Variants in GASK1A observed in about 807,000 individuals in gnomAD.
The protein encoded by GASK1A is Golgi-associated kinase 1A.
In GASK1A, 40 loss-of-function variants were observed where a neutral mutation model predicts 41.2. The ratio of observed to expected loss-of-function variants is 0.97; its 90% CI spans 0.75 to 1.27. GASK1A has a LOEUF of 1.27. Among genes scored for constraint, GASK1A ranks in the 50% most tolerant of loss-of-function variants. The probability of loss-of-function intolerance (pLI) is 0.00; values close to 1 mark genes in which losing one functional copy is unlikely to be tolerated. For synonymous variants in GASK1A, 316 were observed against 307.1 expected, an observed-to-expected ratio of 1.03 and a Z score of -0.30; for missense variants, 678 against 745.1, an observed-to-expected ratio of 0.91 and a Z score of 1.05.
At chr3:43,014,804 C>T (rs1277735544) in intron 1 of GASK1A, among the ~76,000 whole-genome samples, 1 of 149,244 alleles carries the variant, frequency 6.7e-6, no homozygotes, top group African/African-American at 2.5e-5. Flanking sequence ...TCACTGGAAG[C>T]GGTGGTGTGA....
At chr3:43,052,635 C>G (rs2089696831) in intron 2 of GASK1A, among the ~76,000 whole-genome samples, 1 of 152,168 alleles carries the variant, frequency 6.6e-6, no homozygotes, top group Non-Finnish European at 1.5e-5. Context: ...TAGCATCTCC[C>G]AAACCTTCTC....
intron 2 of GASK1A, among the ~76,000 whole-genome samples, chr3:43,049,102 G>A (rs1324073788): frequency 6.6e-6 from 1 of 152,178 alleles, no homozygotes; most frequent in Non-Finnish European, 1.5e-5. Flanking sequence ...ATGGCTGGGT[G>A]TGCAGGGTAC....
intron 1 of GASK1A, among the ~76,000 whole-genome samples, chr3:43,017,442 A>T (rs141784663): frequency 1.1e-4 from 16 of 150,050 alleles, no homozygotes; most frequent in African/African-American, 3.9e-4. Flanking sequence ...GTGTGAAGTC[A>T]CAAGAAAGGG....
At chr3:43,039,038 CT>C (rs58111345) in intron 2 of GASK1A, among the ~76,000 whole-genome samples, 76,219 of 142,742 alleles carry the variant, frequency 0.53, 21,017 homozygotes, top group East Asian at 0.77. Flanking sequence ...CCTCTTTTGA[CT>C]TTTTTTTTTT....
rs1280302508 is a variant in GASK1A at position 42,979,575 on chromosome 3, G to A, written c.-68G>A. The A allele has an allele frequency of 5.7e-6, 7 of 1,237,928 alleles. No individual in the cohort carries two copies. Among genetic ancestry groups the A allele is most frequent in the Non-Finnish European group, 6.1e-6 (6 of 987,202 alleles). The allele number at this position is 1,237,928 out of a possible 1,614,324, so 76.7% of individuals were successfully genotyped here. A position where few individuals can be genotyped will look rare whatever the true frequency, so the allele number is the denominator to read the frequency against. On this transcript the variant is annotated 5_prime_UTR_variant, in exon 1 of 5. Transcript: ENST00000430121. Reference sequence around the variant, plus strand: ...GAGCCACGGCGCCGGGGGCGGCCAAGGGGAGGCGGGATGAGTCTGCGAGCC... The same window carrying A: ...GAGCCACGGCGCCGGGGGCGGCCAAAGGGAGGCGGGATGAGTCTGCGAGCC...
chr3:43,038,682 G>T (rs922564894), intron 2 of GASK1A, among the ~76,000 whole-genome samples: 2 of 151,838 alleles, frequency 1.3e-5, no homozygotes, highest in African/African-American at 2.4e-5. Context: ...TTTAGTAGAA[G>T]CAGGTATACT....
At position 43,050,099 on chromosome 3, in the gene GASK1A, A is replaced by G. The variant is rs144685393; in HGVS notation, c.1291-3422A>G. Among the ~76,000 whole-genome samples the G allele has an allele frequency of 4.3e-4, 66 of 151,844 alleles. No individual in the cohort carries two copies. The East Asian group carries it at 7.3e-3, about 17-fold the overall frequency. On this transcript the variant is annotated intron_variant, in intron 2 of 4. Transcript: ENST00000430121. Reference sequence around the variant, plus strand: ...TACTGTCTTTTATGTTTATCTATGTAGTTACCTTGAACAGAGCTTTTTAGT... The same window carrying G: ...TACTGTCTTTTATGTTTATCTATGTGGTTACCTTGAACAGAGCTTTTTAGT...
chr3:43,005,539 A>T (rs942336130), intron 1 of GASK1A, among the ~76,000 whole-genome samples: 1 of 152,136 alleles, frequency 6.6e-6, no homozygotes, highest in African/African-American at 2.4e-5. Context: ...TCAGATGGCT[A>T]TTGGAGTACT....
chr3:43,012,515 A>G (rs546323085), intron 1 of GASK1A, among the ~76,000 whole-genome samples: 1 of 150,550 alleles, frequency 6.6e-6, no homozygotes, highest in East Asian at 2.0e-4. Context: ...ACAGGAAGGG[A>G]AGTGGAAAGT....
intron 1 of GASK1A, among the ~76,000 whole-genome samples, chr3:42,985,265 C>T (rs566067800): frequency 2.9e-4 from 44 of 152,210 alleles, no homozygotes; most frequent in South Asian, 4.1e-4. Context: ...TCTGAAGGAA[C>T]GGGTGTCTCC....
chr3:43,004,503 G>A (rs893896047), intron 1 of GASK1A, among the ~76,000 whole-genome samples: 1 of 152,190 alleles, frequency 6.6e-6, no homozygotes, highest in Non-Finnish European at 1.5e-5. Context: ...AGTAGAAGAT[G>A]ACTCACTGGA....
At chr3:42,991,128 TG>T (rs1305485730) in intron 1 of GASK1A, among the ~76,000 whole-genome samples, 2 of 152,078 alleles carry the variant, frequency 1.3e-5, no homozygotes, top group Non-Finnish European at 2.9e-5. Context: ...GGGAGTCTCC[TG>T]GGGGCTTCTC....
chr3:42,987,232 C>T (rs1039353762), intron 1 of GASK1A, among the ~76,000 whole-genome samples: 13 of 152,186 alleles, frequency 8.5e-5, no homozygotes, highest in Admixed American at 5.9e-4. Context: ...TGGCCGGGGT[C>T]GGGTCATACA....
intron 1 of GASK1A, among the ~76,000 whole-genome samples, chr3:42,989,537 C>G (rs2089329796): frequency 6.6e-6 from 1 of 151,728 alleles, no homozygotes; most frequent in African/African-American, 2.4e-5. Context: ...TTTTGCAACT[C>G]TATTGTTTTA....
rs1559397755 is a variant in GASK1A at position 42,997,439 on chromosome 3, G to GGC, written c.3+17795_3+17796insCG. Among the ~76,000 whole-genome samples, 8 of 128,300 alleles carry GGC rather than the reference G, an allele frequency of 6.2e-5. No individual in the cohort carries two copies. In the East Asian group the frequency reaches 1.2e-3, roughly 20 times the overall value. 84.2% of individuals were successfully genotyped at this position (128,300 alleles called of 152,430 possible). A position where few individuals can be genotyped will look rare whatever the true frequency, so the allele number is the denominator to read the frequency against. On this transcript the variant is annotated intron_variant, in intron 1 of 4. Coordinates refer to ENST00000430121, the MANE Select transcript of GASK1A (RefSeq NM_001129908.3). ...ACGCATGAGAGAGAGACAGAGAGAG[G>GGC]GGGGGGGGATCTGGGATCCTTAGAA... is the stretch of plus-strand genomic sequence containing the variant.
rs887550061 is a variant in GASK1A, at chr3:43,037,123, A to G, written c.1290+3570A>G. On this transcript the variant is annotated intron_variant, in intron 2 of 4. Coordinates refer to ENST00000430121, the MANE Select transcript of GASK1A (RefSeq NM_001129908.3). ...ACAACACTAAAAGTCAGTACCTCAA[A>G]CCAGGCAGCGATTCAGGGCAGACCT... is the stretch of plus-strand genomic sequence containing the variant. 22 of 817,860 alleles carry G rather than the reference A, an allele frequency of 2.7e-5. No homozygotes were observed. The Admixed American group carries it at 4.5e-4, about 17-fold the overall frequency. The allele number at this position is 817,860 out of a possible 1,614,324, so 50.7% of individuals were successfully genotyped here. A position where few individuals can be genotyped will look rare whatever the true frequency, so the allele number is the denominator to read the frequency against.
At chr3:43,012,704 A>G (rs571854676) in intron 1 of GASK1A, among the ~76,000 whole-genome samples, 4 of 149,072 alleles carry the variant, frequency 2.7e-5, no homozygotes, top group South Asian at 4.3e-4. Flanking sequence ...GGCCACAGGA[A>G]GGAGCTGTGT....
At chr3:43,041,209 G>C (rs1476137753) in intron 2 of GASK1A, among the ~76,000 whole-genome samples, 1 of 151,436 alleles carries the variant, frequency 6.6e-6, no homozygotes, top group Non-Finnish European at 1.5e-5. Flanking sequence ...CTTTATAGCA[G>C]CATGATTTAT....
At chr3:43,036,102 A>C (rs367946349) in intron 2 of GASK1A, among the ~76,000 whole-genome samples, 25 of 152,240 alleles carry the variant, frequency 1.6e-4, no homozygotes, top group African/African-American at 6.0e-4. Flanking sequence ...CCCTCTGTTC[A>C]CCTCTCAGGG....
Sources: gnomAD v4.1 joint callset for allele counts (sites outside exome capture counted in the v4.1 genomes callset) on GRCh38, gnomAD v4.1.1 for gene constraint, MANE v1.5 for transcripts, NCBI Gene and HGNC (gene_info 2026-07-23, HGNC 2026-07-21) for gene names.